SLC26A4: variants seen among roughly 807,000 people sequenced by gnomAD.
SLC26A4 encodes the protein pendrin.
Under a neutral mutation model 90.4 loss-of-function variants are expected in SLC26A4, and 93 were observed. The observed-to-expected ratio is 1.03, with a 90% CI of 0.87 to 1.22. The LOEUF is 1.22. Among genes scored for constraint, SLC26A4 ranks in the 50% most tolerant of loss-of-function variants. The probability of loss-of-function intolerance (pLI) is 0.00; values close to 1 mark genes in which losing one functional copy is unlikely to be tolerated. For missense variants in SLC26A4, 1,127 were observed against 946.2 expected (o/e 1.19, Z -2.51); for synonymous variants, 393 against 354.6 (o/e 1.11, Z -1.22).
intron 20 of SLC26A4, 103 bp from the exon 21 acceptor site, chr7:107,715,320 C>T (rs1792318489): frequency 6.9e-6 from 6 of 867,518 alleles, no homozygotes; most frequent in East Asian, 2.4e-5. Flanking sequence ...AGATGAGTAG[C>T]AGTAAGCAAT....
Position 107,700,150 on chromosome 7 carries a change from G to T in SLC26A4, c.1682G>T (p.Gly561Val), listed in dbSNP as rs1371471272. The change falls in exon 15 of 21, where the codon GGT becomes GTT. Residue 561 changes from glycine to valine, a missense_variant. Gly to Val is a moderately radical substitution (Grantham distance 109, BLOSUM62 -3). Transcript: ENST00000644269. ...CCTATTTTCTATGGCAATGTCGATG[G>T]TTTTAAAAAATGTATCAAGTCCACA... ...SSPIFYGNVD[G>V]FKKCIKSTVG... is the part of the protein sequence containing the mutation. 1.3e-6 allele frequency: 2 copies of T among 1,583,566 alleles called. No homozygotes were observed. Among genetic ancestry groups the T allele is most frequent in the Non-Finnish European group, 1.7e-6 (2 of 1,152,238 alleles).
At chr7:107,706,483 AT>A (rs1451090052) in intron 18 of SLC26A4, among the ~76,000 whole-genome samples, 1 of 152,198 alleles carries the variant, frequency 6.6e-6, no homozygotes, top group Non-Finnish European at 1.5e-5. Context: ...TTTGATAGAA[AT>A]TTTGACAAGG....
chr7:107,688,476 C>A (rs1177227695), intron 8 of SLC26A4, among the ~76,000 whole-genome samples: 1 of 152,140 alleles, frequency 6.6e-6, no homozygotes, highest in Non-Finnish European at 1.5e-5. Context: ...AGTCATTGGA[C>A]CCCACAATCA....
chr7:107,696,982 C>T (rs1023656679), intron 13 of SLC26A4, among the ~76,000 whole-genome samples: 12 of 152,208 alleles, frequency 7.9e-5, no homozygotes, highest in African/African-American at 2.7e-4. Flanking sequence ...AGCCAGTTCT[C>T]CTTCCTGCCC....
intron 5 of SLC26A4, 46 bp downstream of exon 5, chr7:107,674,394 G>A: frequency 7.2e-7 from 1 of 1,388,002 alleles, no homozygotes; most frequent in Non-Finnish European, 1.0e-6. Context: ...ATTTTTATTT[G>A]AAATTAACTT....
intron 6 of SLC26A4, among the ~76,000 whole-genome samples, chr7:107,680,119 A>C (rs1178749629): frequency 8.5e-6 from 1 of 117,408 alleles, no homozygotes; most frequent in African/African-American, 4.2e-5. Flanking sequence ...ATATAATATA[A>C]TCTTATCTTA....
In SLC26A4 at chr7:107,694,383, A is replaced by G. The variant is rs1257484416; in HGVS notation, c.1264-20A>G. On this transcript the variant is annotated intron_variant, in intron 10 of 20. Coordinates refer to ENST00000644269, the MANE Select transcript of SLC26A4 (RefSeq NM_000441.2). ...AGGGAGAAGGACGAATCCTTTTCAT[A>G]GGAGGTGTGTGTCTTCCAGGTTGCT... The G allele has an allele frequency of 1.9e-6, 3 of 1,597,448 alleles. No individual in the cohort carries two copies. Among genetic ancestry groups the G allele is most frequent in the Admixed American group, 3.3e-5 (2 of 59,920 alleles).
chr7:107,700,606 G>A (rs193233791), intron 15 of SLC26A4, among the ~76,000 whole-genome samples: 1 of 152,174 alleles, frequency 6.6e-6, no homozygotes, highest in South Asian at 2.1e-4. Flanking sequence ...TGGAGGTAGG[G>A]TTGCCCAGTT....
intron 6 of SLC26A4, 49 bp from the exon 7 acceptor site, chr7:107,683,153 C>A (rs570769476): frequency 1.4e-6 from 2 of 1,418,852 alleles, no homozygotes; most frequent in Non-Finnish European, 9.9e-7. Flanking sequence ...TGTGTGTGCT[C>A]GTGTGCGTGT....
rs2129314461 is a variant in SLC26A4, at chr7:107,683,248, A to G, written c.812A>G (p.Asp271Gly). The change falls in exon 7 of 21, where the codon GAT (aspartate) becomes GGT (glycine). Residue 271 changes from aspartate (D) to glycine (G), a missense_variant. Physicochemically the swap from Asp to Gly is moderately conservative, Grantham distance 94. Coordinates refer to ENST00000644269, the MANE Select transcript of SLC26A4 (RefSeq NM_000441.2). ...AATATTGGTGATACCAATCTTGCTGATTTCACTGCTGGATTGCTCACCATT... is the reference window on the plus strand; with the variant it reads ...AATATTGGTGATACCAATCTTGCTGGTTTCACTGCTGGATTGCTCACCATT... The part of the protein sequence containing the change: ...FQNIGDTNLA[D>G]FTAGLLTIVV... 2 of 1,612,970 alleles carry G rather than the reference A, an allele frequency of 1.2e-6. No individual in the cohort carries two copies. The highest frequency in any genetic ancestry group is 1.7e-6 in the Non-Finnish European group (2 of 1,179,746).
intron 20 of SLC26A4, among the ~76,000 whole-genome samples, chr7:107,714,487 C>G (rs1000932669): frequency 6.6e-6 from 1 of 152,130 alleles, no homozygotes; most frequent in Non-Finnish European, 1.5e-5. Context: ...CCAGGAAAGT[C>G]ATTATCGACC....
At chr7:107,679,105 A>G (rs1791104803) in intron 6 of SLC26A4, among the ~76,000 whole-genome samples, 2 of 152,218 alleles carry the variant, frequency 1.3e-5, no homozygotes, top group African/African-American at 2.4e-5. Flanking sequence ...GGCAGAAGGG[A>G]GAATGACAGG....
intron 8 of SLC26A4, among the ~76,000 whole-genome samples, chr7:107,684,551 G>A (rs1340279237): frequency 1.3e-5 from 2 of 152,124 alleles, no homozygotes; most frequent in Admixed American, 1.3e-4. Flanking sequence ...AAAAAGCACA[G>A]CTGGCTACAT....
Position 107,671,770 on chromosome 7 carries a change from T to C in SLC26A4, c.305-368T>C, listed in dbSNP as rs1317286130. On this transcript the variant is annotated intron_variant, in intron 3 of 20. Coordinates refer to ENST00000644269, the MANE Select transcript of SLC26A4 (RefSeq NM_000441.2). ...TCATGAGTTACATCCTAATAACCCA[T>C]TGCAAGTTGAACATATTTTAAGTCA... Among the ~76,000 whole-genome samples the C allele has an allele frequency of 2.0e-5, 3 of 152,166 alleles. No homozygotes were observed. In the East Asian group the frequency reaches 5.8e-4, roughly 29 times the overall value.
intron 2 of SLC26A4, 61 bp from the exon 3 acceptor site, chr7:107,663,235 A>T: frequency 6.3e-7 from 1 of 1,584,836 alleles, no homozygotes; most frequent in Non-Finnish European, 8.7e-7. Context: ...TAACTTTGTG[A>T]TTTGCAAATT....
chr7:107,707,440 T>C (rs1431394253), intron 18 of SLC26A4, among the ~76,000 whole-genome samples: 1 of 152,224 alleles, frequency 6.6e-6, no homozygotes, highest in Non-Finnish European at 1.5e-5. Context: ...GTCACAGCAC[T>C]TTAGAATTAT....
At chr7:107,673,260 G>A (rs930200435) in intron 4 of SLC26A4, among the ~76,000 whole-genome samples, 1 of 151,868 alleles carries the variant, frequency 6.6e-6, no homozygotes, top group African/African-American at 2.4e-5. Flanking sequence ...AAAAATAACA[G>A]TAGTGAACGG....
At chr7:107,672,361 A>T in intron 4 of SLC26A4, 113 bp downstream of exon 4, 1 of 279,128 alleles carries the variant, frequency 3.6e-6, no homozygotes, top group Non-Finnish European at 6.9e-6. Flanking sequence ...GGTTTTCACA[A>T]TTATACTTTT....
intron 8 of SLC26A4, among the ~76,000 whole-genome samples, chr7:107,688,180 CTTTCTCTATGGT>C (rs1183392196): frequency 6.6e-6 from 1 of 152,160 alleles, no homozygotes. Context: ...ACCTAGGATG[CTTTCTCTATGGT>C]TTTCTCTAAG....
Sources: gnomAD v4.1 joint callset for allele counts (sites outside exome capture counted in the v4.1 genomes callset) on GRCh38, gnomAD v4.1.1 for gene constraint, MANE v1.5 for transcripts, NCBI Gene and HGNC (gene_info 2026-07-23, HGNC 2026-07-21) for gene names.